Variants in TASP1 observed in about 807,000 individuals in gnomAD.
The protein encoded by TASP1 is taspase 1, also known as threonine aspartase 1.
In TASP1, 16 loss-of-function variants were observed where a neutral mutation model predicts 56.6. The observed-to-expected ratio is 0.28, with a 90% CI of 0.19 to 0.43. TASP1 has a LOEUF of 0.43. Ranked by LOEUF, TASP1 falls within the 20% of genes least tolerant of loss-of-function variation. The probability of loss-of-function intolerance (pLI) is 1.00; values close to 1 mark genes in which losing one functional copy is unlikely to be tolerated. For missense variants in TASP1, 393 were observed against 511.6 expected, an observed-to-expected ratio of 0.77 and a Z score of 2.24; for synonymous variants, 179 against 184.2, an observed-to-expected ratio of 0.97 and a Z score of 0.23.
At chr20:13,299,175 T>G in the TASP1 span, 1 of 1,607,586 alleles carries the variant, frequency 6.2e-7, no homozygotes, top group Non-Finnish European at 8.5e-7. This position sits in a 1 kb window ranked among gnomAD's most constrained non-coding sequence, Gnocchi z 5.8. Context: ...CTGCATCCGC[T>G]CCATGCTGTC....
intron 11 of TASP1, among the ~76,000 whole-genome samples, chr20:13,465,771 A>G (rs2044231881): frequency 7.5e-6 from 1 of 132,462 alleles, no homozygotes; most frequent in East Asian, 2.6e-4. Flanking sequence ...TCTATATAAC[A>G]TTTTTGAAAT....
At chr20:13,469,747 G>A (rs1051911066) in intron 11 of TASP1, among the ~76,000 whole-genome samples, 3 of 133,904 alleles carry the variant, frequency 2.2e-5, no homozygotes, top group African/African-American at 8.1e-5. Flanking sequence ...ACATACAGAC[G>A]AACTATTTAT....
chr20:13,349,960 G>A, the TASP1 span, among the ~76,000 whole-genome samples: 1 of 152,138 alleles, frequency 6.6e-6, no homozygotes, highest in African/African-American at 2.4e-5. Flanking sequence ...AGACCTGACT[G>A]GGCAACATAG....
In TASP1 at chr20:13,557,577, T is replaced by G. The variant is rs11907160; in HGVS notation, c.675+1431A>C. ...ATTTTATTACGATGTTTTTGGTTTTTTTTTTTTTTTTTTTTTTTTTTGAGA... is the reference window on the plus strand; with the variant it reads ...ATTTTATTACGATGTTTTTGGTTTTGTTTTTTTTTTTTTTTTTTTTTGAGA... On this transcript the variant is annotated intron_variant, in intron 8 of 13. Coordinates refer to ENST00000337743, the MANE Select transcript of TASP1 (RefSeq NM_017714.3). Among the ~76,000 whole-genome samples, 1,270 of 137,706 alleles carry G rather than the reference T, an allele frequency of 9.2e-3. 23 individuals are homozygous for G. Among genetic ancestry groups the G allele is most frequent in the African/African-American group, 0.034 (1,209 of 35,232 alleles). The allele number at this position is 137,706 out of a possible 152,430, so 90.3% of individuals were successfully genotyped here.
At chr20:13,210,031 G>A in the TASP1 span, among the ~76,000 whole-genome samples, 2 of 152,200 alleles carry the variant, frequency 1.3e-5, no homozygotes, top group African/African-American at 4.8e-5. Flanking sequence ...GCAATATGCC[G>A]AACTCTCATC....
chr20:13,311,110 C>G, the TASP1 span, among the ~76,000 whole-genome samples: 1 of 152,112 alleles, frequency 6.6e-6, no homozygotes, highest in Admixed American at 6.5e-5. Context: ...GGGAGAATCA[C>G]TTGAACCCGG....
intron 6 of TASP1, 26 bp downstream of exon 6, chr20:13,580,870 GA>G: frequency 6.2e-7 from 1 of 1,610,950 alleles, no homozygotes; most frequent in East Asian, 2.2e-5. Context: ...TAAAGACAGG[GA>G]AAGTCAGGAA....
intron 11 of TASP1, among the ~76,000 whole-genome samples, chr20:13,456,101 A>G (rs2208208): frequency 0.35 from 53,955 of 152,022 alleles, 10,369 homozygotes; most frequent in Non-Finnish European, 0.43. Flanking sequence ...CAGAAGACAA[A>G]GCACAATCAA....
intron 13 of TASP1, among the ~76,000 whole-genome samples, chr20:13,414,299 T>C (rs1357729612): frequency 6.6e-6 from 1 of 152,194 alleles, no homozygotes; most frequent in Admixed American, 6.5e-5. Flanking sequence ...ACTACACAAG[T>C]GATACTGTAT....
chr20:13,431,395 A>G (rs1003464532), intron 12 of TASP1, among the ~76,000 whole-genome samples: 1 of 152,184 alleles, frequency 6.6e-6, no homozygotes, highest in African/African-American at 2.4e-5. Flanking sequence ...GCAGAGGTTT[A>G]TGACAAACCC....
chr20:13,366,149 C>T, the TASP1 span, among the ~76,000 whole-genome samples: 1 of 152,098 alleles, frequency 6.6e-6, no homozygotes, highest in South Asian at 2.1e-4. Context: ...TTTGGAAATG[C>T]TTTATTAGGT....
At chr20:13,564,720 G>T (rs1338080982) in intron 7 of TASP1, among the ~76,000 whole-genome samples, 1 of 151,952 alleles carries the variant, frequency 6.6e-6, no homozygotes, top group Non-Finnish European at 1.5e-5. Flanking sequence ...ACAGTATGGA[G>T]GCTGGGCGTG....
intron 4 of TASP1, among the ~76,000 whole-genome samples, chr20:13,592,714 T>G (rs182633693): frequency 6.6e-6 from 1 of 152,288 alleles, no homozygotes; most frequent in Admixed American, 6.5e-5. Context: ...TTTCTACTTT[T>G]TTTCTTTTGT....
At chr20:13,578,341 TTTC>T (rs2047003169) in intron 6 of TASP1, among the ~76,000 whole-genome samples, 1 of 152,146 alleles carries the variant, frequency 6.6e-6, no homozygotes, top group African/African-American at 2.4e-5. Flanking sequence ...GGGTTGTCTT[TTTC>T]TTATTGATAT....
intron 11 of TASP1, among the ~76,000 whole-genome samples, chr20:13,472,372 A>G (rs1386169307): frequency 6.6e-6 from 1 of 151,222 alleles, no homozygotes; most frequent in Admixed American, 6.6e-5. Context: ...ACCTGAAACC[A>G]TAAAAACCCT....
intron 11 of TASP1, among the ~76,000 whole-genome samples, chr20:13,456,981 T>A (rs886342756): frequency 2.6e-5 from 4 of 151,968 alleles, no homozygotes; most frequent in African/African-American, 9.7e-5. Flanking sequence ...GGGACATGGA[T>A]GAAGCTGGAA....
At chr20:13,221,697 C>T in the TASP1 span, 1 of 1,215,636 alleles carries the variant, frequency 8.2e-7, no homozygotes. Flanking sequence ...GGCTCCCGGG[C>T]TCCTACTCCT....
At chr20:13,284,500 G>A in the TASP1 span, among the ~76,000 whole-genome samples, 1 of 152,172 alleles carries the variant, frequency 6.6e-6, no homozygotes, top group East Asian at 1.9e-4. Flanking sequence ...TTCATTTTCT[G>A]CTCTGGGCAG....
chr20:13,541,677 C>G (rs2045627395), intron 8 of TASP1, among the ~76,000 whole-genome samples: 2 of 151,970 alleles, frequency 1.3e-5, no homozygotes, highest in African/African-American at 4.8e-5. Context: ...CTAACATATG[C>G]CAAGCACCCA....
Sources: gnomAD v4.1 joint callset for allele counts (sites outside exome capture counted in the v4.1 genomes callset) on GRCh38, gnomAD v4.1.1 for gene constraint, Gnocchi (gnomAD v3.1) non-coding constraint, MANE v1.5 for transcripts, NCBI Gene and HGNC (gene_info 2026-07-23, HGNC 2026-07-21) for gene names.